Variants in SASH1 observed in about 807,000 individuals in gnomAD.
The protein encoded by SASH1 is SAM and SH3 domain containing 1, also known as SAM and SH3 domain-containing protein 1.
Under a neutral mutation model 125.2 loss-of-function variants are expected in SASH1, and 44 were observed. The observed-to-expected ratio is 0.35, with a 90% CI of 0.28 to 0.45. The LOEUF (loss-of-function observed/expected upper bound fraction) is 0.45. SASH1 is among the 20% of genes least tolerant of loss of function. SASH1 has a pLI of 1.00. For synonymous variants in SASH1, 639 were observed against 649.1 expected (o/e 0.98, Z 0.24); for missense variants, 1,426 against 1,614.5 (o/e 0.88, Z 2.00).
intron 4 of SASH1, among the ~76,000 whole-genome samples, chr6:148,443,180 G>A (rs888521148): frequency 6.8e-6 from 1 of 148,140 alleles, no homozygotes; most frequent in East Asian, 1.9e-4. Context: ...CTCACGGCAT[G>A]TTGGTGTCAC....
At position 148,441,362 on chromosome 6, in the gene SASH1, C is replaced by A. The variant is rs370079319; in HGVS notation, c.386+955C>A. 2.8e-4 allele frequency among the ~76,000 whole-genome samples: 43 copies of A among 152,268 alleles called. 1 individual carries two copies. In the South Asian group the frequency reaches 8.7e-3, roughly 31 times the overall value. ...GCTGCTTTGCCAGAAAGCTATAATT[C>A]TAAACTTAAGAGGCTTTGTGGGTTT... is the stretch of plus-strand genomic sequence containing the variant. On this transcript the variant is annotated intron_variant, in intron 4 of 19. Transcript: ENST00000367467.
chr6:148,491,190 AAG>A (rs1335205113), intron 8 of SASH1, among the ~76,000 whole-genome samples: 2 of 152,242 alleles, frequency 1.3e-5, no homozygotes, highest in Non-Finnish European at 2.9e-5. Context: ...TTGGGCAAGA[AAG>A]ACTGTATTCT....
chr6:148,298,621 G>A (rs914441358), intron 1 of SASH1, among the ~76,000 whole-genome samples: 2 of 138,088 alleles, frequency 1.4e-5, no homozygotes, highest in Non-Finnish European at 3.1e-5. Flanking sequence ...AGCCTGAACA[G>A]AGTGAGAGGG....
chr6:148,512,081 C>T (rs992701091), intron 8 of SASH1, among the ~76,000 whole-genome samples: 6 of 152,038 alleles, frequency 3.9e-5, no homozygotes, highest in Non-Finnish European at 5.9e-5. Context: ...TGCAGTGGCA[C>T]GATCCCGGCT....
In SASH1 at chr6:148,440,402, A is replaced by C. The variant is rs147429186; in HGVS notation, c.381A>C (p.Glu127Asp). ...GCGCCGTGTCAACCCCAGAAGTGGA[A>C]AGAAAGTAAGTCTTTCTCCCTCTGC... Reference protein sequence around the residue: ...FCSAVSTPEVERKNPLHKSNS... With the variant: ...FCSAVSTPEVDRKNPLHKSNS... Residue 127 changes from glutamate (E) to aspartate (D), a missense_variant, in exon 4 of 20, where the codon GAA (glutamate) becomes GAC (aspartate). Transcript: ENST00000367467. The C allele has an allele frequency of 4.8e-5, 77 of 1,613,992 alleles. No individual in the cohort carries two copies. In the East Asian group the frequency reaches 1.4e-3, roughly 29 times the overall value.
In SASH1 at chr6:148,533,600, G is replaced by A. The variant is rs568490816; in HGVS notation, c.1735-171G>A. Among the ~76,000 whole-genome samples, 6 of 152,254 alleles carry A rather than the reference G, an allele frequency of 3.9e-5. No individual in the cohort carries two copies. Among genetic ancestry groups the A allele is most frequent in the African/African-American group, 9.6e-5 (4 of 41,552 alleles). On this transcript the variant is annotated intron_variant, in intron 14 of 19. Coordinates refer to ENST00000367467, the MANE Select transcript of SASH1 (RefSeq NM_015278.5). This position sits in a 1 kb window ranked among gnomAD's most constrained non-coding sequence, Gnocchi z 6.2. The stretch of plus-strand genomic sequence containing the variant: ...TCAGAGACACCTGTCTGGCCTCTGC[G>A]GAGCTCACAGTCACATCCTATGCAG...
At chr6:148,232,121 G>C in the SASH1 span, among the ~76,000 whole-genome samples, 4 of 152,076 alleles carry the variant, frequency 2.6e-5, no homozygotes, top group African/African-American at 9.7e-5. Flanking sequence ...AGTTGTAGTG[G>C]CAGATAGAGG....
the SASH1 span, among the ~76,000 whole-genome samples, chr6:148,246,120 T>TTC: frequency 3.9e-5 from 6 of 152,304 alleles, no homozygotes; most frequent in African/African-American, 1.2e-4. Context: ...CTCTTCTCTT[T>TTC]TCTCTCTCTC....
At position 148,440,135 on chromosome 6, in the gene SASH1, G is replaced by A. The variant is rs116695542; in HGVS notation, c.286-49G>A. The A allele has an allele frequency of 3.2e-3, 5,044 of 1,566,316 alleles. 134 individuals are homozygous for A. In the African/African-American group the frequency reaches 0.059, roughly 18 times the overall value. On this transcript the variant is annotated intron_variant, in intron 2 of 19. Transcript: ENST00000367467. Reference sequence around the variant, plus strand: ...TTACATGTCTATTTGTCTTTCTCGCGTGTGACATGTTTGGAAGTCCCGTTA... The same window carrying A: ...TTACATGTCTATTTGTCTTTCTCGCATGTGACATGTTTGGAAGTCCCGTTA...
At chr6:148,487,067 AATAT>A (rs61032999) in intron 7 of SASH1, among the ~76,000 whole-genome samples, 4 of 126,168 alleles carry the variant, frequency 3.2e-5, no homozygotes, top group African/African-American at 1.2e-4. Flanking sequence ...GTAAAAAACA[AATAT>A]ATATATATAA....
At chr6:148,444,398 C>T (rs1385812788) in intron 4 of SASH1, among the ~76,000 whole-genome samples, 1 of 152,158 alleles carries the variant, frequency 6.6e-6, no homozygotes, top group Non-Finnish European at 1.5e-5. Flanking sequence ...ACATACCTGG[C>T]ATCTCAGCAT....
chr6:148,400,047 C>T (rs1184650803), intron 2 of SASH1, among the ~76,000 whole-genome samples: 2 of 152,238 alleles, frequency 1.3e-5, no homozygotes, highest in African/African-American at 2.4e-5. Context: ...TAATTTGTAG[C>T]ACACTAGAGG....
chr6:148,368,762 A>G lies in SASH1; in HGVS notation c.157-21372A>G, dbSNP rs1218889026. 8.8e-4 allele frequency among the ~76,000 whole-genome samples: 116 copies of G among 131,462 alleles called. 1 individual carries two copies. Among genetic ancestry groups the G allele is most frequent in the African/African-American group, 3.2e-3 (106 of 33,492 alleles). The allele number at this position is 131,462 out of a possible 152,430, so 86.2% of individuals were successfully genotyped here. ...TCCAACCTCCCCCACATGCGCGCGC[A>G]CGCGCGCGCACACACACACACACAC... On this transcript the variant is annotated intron_variant, in intron 1 of 19. Transcript: ENST00000367467.
intron 1 of SASH1, among the ~76,000 whole-genome samples, chr6:148,308,688 A>C (rs1780211839): frequency 6.8e-6 from 1 of 147,438 alleles, no homozygotes; most frequent in African/African-American, 2.5e-5. Flanking sequence ...GAGCCACCGC[A>C]CCTGGCAACT....
Position 148,549,022 on chromosome 6 carries a change from C to T in SASH1, c.*464C>T, listed in dbSNP as rs1262444788. The T allele has an allele frequency of 6.4e-6, 1 of 155,628 alleles. No individual in the cohort carries two copies. Among genetic ancestry groups the T allele is most frequent in the Non-Finnish European group, 1.4e-5 (1 of 71,232 alleles). 9.6% of individuals were successfully genotyped at this position (155,628 alleles called of 1,614,324 possible). ...CTCAAGAGTTATTGTACATTACTGA[C>T]CACGCTCATTTGTTCAAAAGTTAGA... On this transcript the variant is annotated 3_prime_UTR_variant, in exon 20 of 20. Transcript: ENST00000367467.
chr6:148,347,941 C>T (rs1300954303), intron 1 of SASH1, among the ~76,000 whole-genome samples: 5 of 152,094 alleles, frequency 3.3e-5, no homozygotes, highest in South Asian at 2.1e-4. Context: ...AGAACTCAGG[C>T]GTCTGGATGT....
At chr6:148,424,807 G>C (rs1271953469) in intron 2 of SASH1, among the ~76,000 whole-genome samples, 7 of 152,188 alleles carry the variant, frequency 4.6e-5, no homozygotes, top group African/African-American at 1.7e-4. Flanking sequence ...GCAGCTCTGA[G>C]CAGCCTTCTT....
intron 1 of SASH1, among the ~76,000 whole-genome samples, chr6:148,352,837 T>G (rs1781783983): frequency 6.6e-6 from 1 of 151,156 alleles, no homozygotes; most frequent in Non-Finnish European, 1.5e-5. Context: ...GGTGTGGTAG[T>G]GGGCACTTGT....
At chr6:148,217,324 A>G in the SASH1 span, among the ~76,000 whole-genome samples, 55 of 152,338 alleles carry the variant, frequency 3.6e-4, no homozygotes, top group Middle Eastern at 6.8e-3. Context: ...GATTGTTGTA[A>G]GGACTTTAAA....
Sources: gnomAD v4.1 joint callset for allele counts (sites outside exome capture counted in the v4.1 genomes callset) on GRCh38, gnomAD v4.1.1 for gene constraint, Gnocchi (gnomAD v3.1) non-coding constraint, MANE v1.5 for transcripts, NCBI Gene and HGNC (gene_info 2026-07-23, HGNC 2026-07-21) for gene names.